Variants in ZRANB3 observed in about 807,000 individuals in gnomAD.
ZRANB3 encodes the protein DNA annealing helicase and endonuclease ZRANB3.
A neutral mutation model predicts 133.8 loss-of-function variants in ZRANB3; 125 were observed. That is an observed-to-expected ratio of 0.93 (90% confidence interval 0.81 to 1.08). The LOEUF (loss-of-function observed/expected upper bound fraction) is 1.08, where lower values mean the gene tolerates loss of function less well. Among genes scored for constraint, ZRANB3 ranks in the 50% least tolerant of loss-of-function variants. The pLI, the probability that ZRANB3 is intolerant of heterozygous loss-of-function variation, is 0.00. For synonymous variants in ZRANB3, 387 were observed against 432.7 expected, an observed-to-expected ratio of 0.89 and a Z score of 1.31; for missense variants, 1,229 against 1,275.5, an observed-to-expected ratio of 0.96 and a Z score of 0.56.
intron 6 of ZRANB3, among the ~76,000 whole-genome samples, chr2:135,342,463 T>C (rs985833457): frequency 6.7e-6 from 1 of 149,904 alleles, no homozygotes; most frequent in Non-Finnish European, 1.5e-5. Flanking sequence ...GATAACTTTT[T>C]CTTTCTTGAA....
At chr2:135,249,314 T>G (rs1679253021) in intron 12 of ZRANB3, among the ~76,000 whole-genome samples, 1 of 152,230 alleles carries the variant, frequency 6.6e-6, no homozygotes, top group African/African-American at 2.4e-5. Context: ...ACTGTAGCAC[T>G]ATTTGCAATA....
chr2:135,390,878 T>G lies in ZRANB3; in HGVS notation c.162-58A>C, dbSNP rs555839397. On this transcript the variant is annotated intron_variant, in intron 2 of 20. Transcript: ENST00000264159. ...AGAGTGAACCTTTTTCCTTTTTTTTTTGAGATGGAGTCTCGCTCTGTCACC... is the reference window on the plus strand; with the variant it reads ...AGAGTGAACCTTTTTCCTTTTTTTTGTGAGATGGAGTCTCGCTCTGTCACC... The G allele has an allele frequency of 5.6e-5, 83 of 1,474,096 alleles. 3 individuals carry two copies. In the African/African-American group the frequency reaches 1.2e-3, roughly 21 times the overall value. 91.3% of individuals were successfully genotyped at this position (1,474,096 alleles called of 1,614,324 possible). A position where few individuals can be genotyped will look rare whatever the true frequency, so the allele number is the denominator to read the frequency against.
At chr2:135,285,395 C>T (rs545745217) in intron 8 of ZRANB3, among the ~76,000 whole-genome samples, 1 of 152,290 alleles carries the variant, frequency 6.6e-6, no homozygotes, top group South Asian at 2.1e-4. Flanking sequence ...GGCAGAGTGT[C>T]CCCAATTCAG....
intron 8 of ZRANB3, among the ~76,000 whole-genome samples, chr2:135,299,979 T>C (rs1573865376): frequency 6.6e-6 from 1 of 152,148 alleles, no homozygotes. Context: ...AAAATTAGGA[T>C]GGATAGAGAC....
At chr2:135,405,161 G>T (rs980267987) in intron 2 of ZRANB3, among the ~76,000 whole-genome samples, 6 of 152,122 alleles carry the variant, frequency 3.9e-5, no homozygotes, top group Admixed American at 6.6e-5. Context: ...AAAGGCAGGG[G>T]TTGCAATCCT....
chr2:135,385,494 T>C (rs1190081349), intron 3 of ZRANB3, among the ~76,000 whole-genome samples: 2 of 152,042 alleles, frequency 1.3e-5, no homozygotes, highest in Non-Finnish European at 2.9e-5. Flanking sequence ...AAAACTAAAG[T>C]TCATATGGAA....
intron 3 of ZRANB3, among the ~76,000 whole-genome samples, chr2:135,373,476 A>T (rs1686273650): frequency 6.6e-6 from 1 of 152,178 alleles, no homozygotes; most frequent in Non-Finnish European, 1.5e-5. Flanking sequence ...AGAACTACAC[A>T]GAAATAGTAA....
At chr2:135,452,918 G>A (rs1690336875) in intron 2 of ZRANB3, among the ~76,000 whole-genome samples, 1 of 152,216 alleles carries the variant, frequency 6.6e-6, no homozygotes, top group South Asian at 2.1e-4. Context: ...ACTAGGCAGT[G>A]CCCCAGTAGG....
At chr2:135,327,856 T>C (rs910092127) in intron 6 of ZRANB3, among the ~76,000 whole-genome samples, 1 of 152,154 alleles carries the variant, frequency 6.6e-6, no homozygotes, top group Non-Finnish European at 1.5e-5. Flanking sequence ...ATAAAAATTA[T>C]GTATTTTAGT....
At chr2:135,453,113 T>C (rs2105007561) in intron 2 of ZRANB3, among the ~76,000 whole-genome samples, 1 of 152,358 alleles carries the variant, frequency 6.6e-6, no homozygotes, top group African/African-American at 2.4e-5. Flanking sequence ...GCAGGCTCAA[T>C]AACAAATGGA....
intron 8 of ZRANB3, among the ~76,000 whole-genome samples, chr2:135,301,578 C>T (rs1032987954): frequency 3.3e-5 from 5 of 152,142 alleles, no homozygotes; most frequent in African/African-American, 1.2e-4. Flanking sequence ...TGTTGACCTA[C>T]TTTTGGTTCC....
intron 2 of ZRANB3, among the ~76,000 whole-genome samples, chr2:135,493,585 A>C (rs1352938775): frequency 6.6e-6 from 1 of 152,198 alleles, no homozygotes; most frequent in Non-Finnish European, 1.5e-5. Context: ...TATTATTCAG[A>C]AAGTACAAAG....
At chr2:135,405,179 G>C (rs1448439911) in intron 2 of ZRANB3, among the ~76,000 whole-genome samples, 1 of 152,180 alleles carries the variant, frequency 6.6e-6, no homozygotes, top group Non-Finnish European at 1.5e-5. Flanking sequence ...CCTAGTCTCT[G>C]ATAAAGCAGA....
At chr2:135,469,344 CAAAT>C (rs1225810880) in intron 2 of ZRANB3, among the ~76,000 whole-genome samples, 2 of 151,952 alleles carry the variant, frequency 1.3e-5, no homozygotes, top group Middle Eastern at 3.4e-3. Context: ...TTTACTAAAA[CAAAT>C]AAACAGTTTG....
chr2:135,473,705 T>C (rs1255135591), intron 2 of ZRANB3, among the ~76,000 whole-genome samples: 2 of 152,190 alleles, frequency 1.3e-5, no homozygotes, highest in Non-Finnish European at 1.5e-5. Flanking sequence ...TTGTCTTAAA[T>C]AGAACCAAGG....
chr2:135,265,235 C>T (rs1680173161), intron 12 of ZRANB3, among the ~76,000 whole-genome samples: 2 of 152,064 alleles, frequency 1.3e-5, no homozygotes, highest in Admixed American at 1.3e-4. Flanking sequence ...TTACTATTTG[C>T]ACATTTTAAG....
At chr2:135,267,609 A>T (rs1266566113) in intron 11 of ZRANB3, among the ~76,000 whole-genome samples, 1 of 152,146 alleles carries the variant, frequency 6.6e-6, no homozygotes, top group Non-Finnish European at 1.5e-5. Flanking sequence ...ATAATCCATT[A>T]CCCAGTCAAT....
rs376899003 is a variant in ZRANB3 at position 135,237,639 on chromosome 2, T to C, written c.1540-6712A>G. Among the ~76,000 whole-genome samples, 32 of 152,068 alleles carry C rather than the reference T, an allele frequency of 2.1e-4. No individual in the cohort carries two copies. In the South Asian group the frequency reaches 5.6e-3, roughly 27 times the overall value. On this transcript the variant is annotated intron_variant, in intron 12 of 20. Coordinates refer to ENST00000264159, the MANE Select transcript of ZRANB3 (RefSeq NM_032143.4). The stretch of plus-strand genomic sequence containing the variant: ...AAAAATGATGAGTTCATGTCCTTTG[T>C]AGGGACATGGATGAAGCTGGAAACC...
At chr2:135,305,913 G>A (rs1397005053) in intron 8 of ZRANB3, among the ~76,000 whole-genome samples, 2 of 151,888 alleles carry the variant, frequency 1.3e-5, no homozygotes, top group African/African-American at 2.4e-5. Context: ...TATTATCCTA[G>A]TGTCTCCTTG....
Sources: gnomAD v4.1 joint callset for allele counts (sites outside exome capture counted in the v4.1 genomes callset) on GRCh38, gnomAD v4.1.1 for gene constraint, MANE v1.5 for transcripts, NCBI Gene and HGNC (gene_info 2026-07-23, HGNC 2026-07-21) for gene names.